CNTN5: variants seen among roughly 807,000 people sequenced by gnomAD.
CNTN5 encodes the protein contactin 5, also known as contactin-5.
Under a neutral mutation model 129.1 loss-of-function variants are expected in CNTN5, and 77 were observed. The observed-to-expected ratio is 0.60, with a 90% CI of 0.50 to 0.72. The LOEUF (loss-of-function observed/expected upper bound fraction) is 0.72, where lower values mean the gene tolerates loss of function less well. Among genes scored for constraint, CNTN5 ranks in the 30% least tolerant of loss-of-function variants. The probability of loss-of-function intolerance (pLI) is 0.00; values close to 1 mark genes in which losing one functional copy is unlikely to be tolerated. For synonymous variants in CNTN5, 509 were observed against 465.6 expected (o/e 1.09, Z -1.20); for missense variants, 1,478 against 1,328.8 (o/e 1.11, Z -1.75).
At chr11:99,835,287 T>C (rs926955810) in intron 4 of CNTN5, among the ~76,000 whole-genome samples, 8 of 152,166 alleles carry the variant, frequency 5.3e-5, no homozygotes, top group African/African-American at 1.9e-4. Context: ...GAAAACAGCC[T>C]GAGTGAAAAA....
intron 10 of CNTN5, among the ~76,000 whole-genome samples, chr11:100,062,922 G>A (rs189643008): frequency 1.9e-4 from 29 of 152,196 alleles, no homozygotes; most frequent in Admixed American, 4.6e-4. Context: ...TAAAATACAC[G>A]TTCATTTTAT....
chr11:99,644,892 A>T (rs2453259), intron 3 of CNTN5, among the ~76,000 whole-genome samples: 91,263 of 151,814 alleles, frequency 0.6, 28,270 homozygotes, highest in Admixed American at 0.69. Context: ...TTATATGTAA[A>T]ATTGCACTTC....
chr11:99,629,175 G>A (rs1951245890), intron 3 of CNTN5, among the ~76,000 whole-genome samples: 1 of 151,914 alleles, frequency 6.6e-6, no homozygotes, highest in South Asian at 2.1e-4. Context: ...AGGCAAAAAT[G>A]GTGATGATAA....
intron 3 of CNTN5, among the ~76,000 whole-genome samples, chr11:99,576,731 G>T (rs570949199): frequency 2.0e-5 from 3 of 152,232 alleles, no homozygotes; most frequent in East Asian, 1.9e-4. Flanking sequence ...TTTGGGGAGG[G>T]TGTGTTTTGT....
At chr11:99,328,817 C>A (rs1487525333) in intron 2 of CNTN5, among the ~76,000 whole-genome samples, 1 of 139,364 alleles carries the variant, frequency 7.2e-6, no homozygotes, top group Non-Finnish European at 1.5e-5. Context: ...TTGCAGTGAG[C>A]CAAGATCACA....
chr11:99,845,165 C>T lies in CNTN5; in HGVS notation c.480C>T (p.Ser160=), dbSNP rs61749256. The part of the protein sequence containing the change: ...YSLIDGTFII[S]NPSEAKDSGH... ...TGATAGATGGCACCTTCATTATAAG[C>T]AATCCAAGTGAAGCAAAGGATTCTG... Residue 160 remains serine (S), a synonymous_variant, in exon 6 of 25, where the codon AGC becomes AGT. Coordinates refer to ENST00000524871, the MANE Select transcript of CNTN5 (RefSeq NM_014361.4). 1,369 of 1,613,630 alleles carry T rather than the reference C, an allele frequency of 8.5e-4. 1 individual carries two copies. Among genetic ancestry groups the T allele is most frequent in the Non-Finnish European group, 1.1e-3 (1,288 of 1,179,754 alleles).
At chr11:99,503,686 C>T (rs1053565725) in intron 2 of CNTN5, among the ~76,000 whole-genome samples, 3 of 152,098 alleles carry the variant, frequency 2.0e-5, no homozygotes, top group Admixed American at 1.3e-4. Flanking sequence ...TAATACTGTT[C>T]CAGGCATATA....
intron 6 of CNTN5, among the ~76,000 whole-genome samples, chr11:99,895,939 G>A (rs1006652208): frequency 4.6e-5 from 7 of 152,268 alleles, no homozygotes; most frequent in South Asian, 2.1e-4. Flanking sequence ...TCCATACTGC[G>A]TAAGTCCTTG....
chr11:99,810,536 G>C (rs1032569002), intron 3 of CNTN5, among the ~76,000 whole-genome samples: 10 of 152,056 alleles, frequency 6.6e-5, no homozygotes, highest in Non-Finnish European at 2.9e-5. Context: ...ACATTTCTTG[G>C]AGAAAGTGCT....
At chr11:99,840,379 A>T (rs747528203) in intron 4 of CNTN5, among the ~76,000 whole-genome samples, 1 of 152,178 alleles carries the variant, frequency 6.6e-6, no homozygotes, top group Admixed American at 6.5e-5. Context: ...TAGTCTCATA[A>T]TAAGAACTAT....
At chr11:99,651,831 A>G (rs367547511) in intron 3 of CNTN5, among the ~76,000 whole-genome samples, 84 of 152,160 alleles carry the variant, frequency 5.5e-4, no homozygotes, top group African/African-American at 1.9e-3. Context: ...TTTTTTACTT[A>G]CCCATATGAC....
intron 4 of CNTN5, among the ~76,000 whole-genome samples, chr11:99,822,314 C>G (rs1946827053): frequency 6.6e-6 from 1 of 152,132 alleles, no homozygotes. Flanking sequence ...AACGCATCTT[C>G]ACCACAATAT....
At chr11:99,450,282 A>ATATG (rs911318523) in intron 2 of CNTN5, among the ~76,000 whole-genome samples, 1 of 135,526 alleles carries the variant, frequency 7.4e-6, no homozygotes, top group African/African-American at 2.7e-5. Flanking sequence ...ATATATATAT[A>ATATG]TATGTTTGTG....
chr11:99,879,356 T>A (rs1948714235), intron 6 of CNTN5, among the ~76,000 whole-genome samples: 1 of 152,178 alleles, frequency 6.6e-6, no homozygotes, highest in Non-Finnish European at 1.5e-5. Flanking sequence ...CATGAAAGCT[T>A]CTCTTCCCTG....
At chr11:100,156,491 T>C (rs1947247677) in intron 13 of CNTN5, among the ~76,000 whole-genome samples, 1 of 152,094 alleles carries the variant, frequency 6.6e-6, no homozygotes, top group Admixed American at 6.6e-5. Context: ...TGCCTGGTTT[T>C]GGTATCAGGA....
intron 3 of CNTN5, among the ~76,000 whole-genome samples, chr11:99,664,847 AATTT>A (rs1952726442): frequency 6.6e-6 from 1 of 152,146 alleles, no homozygotes; most frequent in South Asian, 2.1e-4. Context: ...ATTAATTTTT[AATTT>A]ATTCTTTAAT....
At chr11:99,628,522 G>A (rs605937) in intron 3 of CNTN5, among the ~76,000 whole-genome samples, 92,881 of 150,798 alleles carry the variant, frequency 0.62, 29,326 homozygotes, top group Admixed American at 0.74. Context: ...TTATATACAG[G>A]TATTAATTCA....
intron 13 of CNTN5, among the ~76,000 whole-genome samples, chr11:100,131,947 G>T (rs1946391198): frequency 6.6e-6 from 1 of 152,066 alleles, no homozygotes; most frequent in Non-Finnish European, 1.5e-5. Flanking sequence ...ACTGAGGCAA[G>T]GAGAAAGGTA....
intron 15 of CNTN5, among the ~76,000 whole-genome samples, chr11:100,196,763 G>C (rs1246251432): frequency 6.6e-6 from 1 of 151,954 alleles, no homozygotes; most frequent in Non-Finnish European, 1.5e-5. Context: ...AAGGGGAGAA[G>C]CAATCAGTTA....
Sources: allele counts gnomAD v4.1 joint callset (sites outside exome capture counted in the v4.1 genomes callset), GRCh38; gene constraint gnomAD v4.1.1; transcripts MANE v1.5; gene names NCBI Gene and HGNC (gene_info 2026-07-23, HGNC 2026-07-21).